Variants in GLIS3 observed in about 807,000 individuals in gnomAD.
GLIS3 encodes zinc finger protein GLIS3.
A neutral mutation model predicts 78.6 loss-of-function variants in GLIS3; 53 were observed. That is an observed-to-expected ratio of 0.67 (90% CI 0.54 to 0.85). The LOEUF is 0.85. GLIS3 is among the 40% of genes least tolerant of loss of function. GLIS3 has a pLI of 0.00. For synonymous variants in GLIS3, 684 were observed against 509.9 expected, an observed-to-expected ratio of 1.34 and a Z score of -4.60; for missense variants, 1,703 against 1,231.1, an observed-to-expected ratio of 1.38 and a Z score of -5.74.
intron 2 of GLIS3, among the ~76,000 whole-genome samples, chr9:4,129,803 G>A (rs760182613): frequency 7.2e-5 from 11 of 152,326 alleles, no homozygotes; most frequent in South Asian, 2.1e-4. Context: ...AAGAAGCTTT[G>A]GAATTGGGTA....
chr9:4,012,838 T>G (rs1047017930), intron 4 of GLIS3, among the ~76,000 whole-genome samples: 2 of 130,512 alleles, frequency 1.5e-5, no homozygotes, highest in Non-Finnish European at 1.6e-5. Context: ...AACGGCACAA[T>G]CTCAGCTCAC....
At chr9:4,022,542 C>G (rs191780118) in intron 4 of GLIS3, among the ~76,000 whole-genome samples, 98 of 152,226 alleles carry the variant, frequency 6.4e-4, no homozygotes, top group African/African-American at 2.2e-3. Context: ...TAAACATAAG[C>G]CTACCCTATG....
At chr9:3,987,606 G>A (rs1280074748) in intron 4 of GLIS3, among the ~76,000 whole-genome samples, 2 of 150,692 alleles carry the variant, frequency 1.3e-5, no homozygotes, top group African/African-American at 2.4e-5. Flanking sequence ...GGAGGCTGAG[G>A]CAGGCACTTG....
intron 2 of GLIS3, among the ~76,000 whole-genome samples, chr9:4,262,531 C>A (rs1199141658): frequency 6.6e-6 from 1 of 152,110 alleles, no homozygotes; most frequent in Non-Finnish European, 1.5e-5. Flanking sequence ...GAATACCTAA[C>A]AGTTCCATGA....
chr9:4,261,286 G>A (rs1032831265), intron 2 of GLIS3, among the ~76,000 whole-genome samples: 5 of 152,132 alleles, frequency 3.3e-5, no homozygotes, highest in East Asian at 3.9e-4. Flanking sequence ...TCTTTCCTCT[G>A]GGGATACATG....
the GLIS3 span, among the ~76,000 whole-genome samples, chr9:4,482,245 G>A: frequency 6.6e-6 from 1 of 152,168 alleles, no homozygotes; most frequent in South Asian, 2.1e-4. Flanking sequence ...AGCCCATGAG[G>A]TAAAGTTCTA....
At chr9:3,962,054 T>C (rs896723145) in intron 4 of GLIS3, among the ~76,000 whole-genome samples, 10 of 151,820 alleles carry the variant, frequency 6.6e-5, no homozygotes, top group African/African-American at 2.4e-4. Context: ...AAAATAATAA[T>C]AATAAAATTT....
At chr9:4,031,218 G>A (rs1205200592) in intron 4 of GLIS3, among the ~76,000 whole-genome samples, 1 of 152,068 alleles carries the variant, frequency 6.6e-6, no homozygotes, top group East Asian at 1.9e-4. Context: ...ATAGTCAAAA[G>A]GTGGAAATAA....
chr9:3,996,555 C>T (rs1009254510), intron 4 of GLIS3, among the ~76,000 whole-genome samples: 4 of 152,072 alleles, frequency 2.6e-5, no homozygotes, highest in Non-Finnish European at 4.4e-5. Context: ...GCAGCTAAAG[C>T]AGTTTTTCAA....
rs1554625523 is a variant in GLIS3 at position 4,223,577 on chromosome 9, G to GAT, written c.388+62460_388+62461insAT. ...TGATCTAAGTTCCCTGATGAAAGAA[G>GAT]TGTTTTAATCGGCCTCTAAAACACC... On this transcript the variant is annotated intron_variant, in intron 2 of 10. Transcript: ENST00000381971. Among the ~76,000 whole-genome samples, 5 of 152,090 alleles carry GAT rather than the reference G, an allele frequency of 3.3e-5. No individual in the cohort carries two copies. In the East Asian group the frequency reaches 7.8e-4, roughly 24 times the overall value.
chr9:3,927,281 A>C (rs924586614), intron 6 of GLIS3, among the ~76,000 whole-genome samples: 6 of 152,198 alleles, frequency 3.9e-5, no homozygotes, highest in Admixed American at 3.9e-4. Context: ...AATGTAGTAG[A>C]AGAGTAGTTT....
At chr9:4,094,452 T>C (rs1368417680) in intron 4 of GLIS3, among the ~76,000 whole-genome samples, 1 of 152,212 alleles carries the variant, frequency 6.6e-6, no homozygotes, top group African/African-American at 2.4e-5. Flanking sequence ...AGAGACAGGT[T>C]ACGTGCCAGT....
At chr9:4,470,630 A>C in the GLIS3 span, among the ~76,000 whole-genome samples, 1 of 152,138 alleles carries the variant, frequency 6.6e-6, no homozygotes, top group African/African-American at 2.4e-5. Flanking sequence ...ATCTATGACA[A>C]ACCCACAGCC....
chr9:4,284,430 C>T (rs1026440513), intron 2 of GLIS3, among the ~76,000 whole-genome samples: 3 of 152,140 alleles, frequency 2.0e-5, no homozygotes, highest in African/African-American at 7.2e-5. Context: ...AAAATCTGAA[C>T]ACCTAAATTT....
At chr9:4,356,387 C>G in the GLIS3 span, among the ~76,000 whole-genome samples, 1 of 152,158 alleles carries the variant, frequency 6.6e-6, no homozygotes, top group Non-Finnish European at 1.5e-5. Context: ...TCCGACAAAG[C>G]AATATGATTG....
intron 9 of GLIS3, among the ~76,000 whole-genome samples, chr9:3,841,183 C>T: frequency 6.6e-6 from 1 of 152,208 alleles, no homozygotes; most frequent in East Asian, 1.9e-4. Flanking sequence ...TGGCCTATGG[C>T]TTCCAAATTC....
At chr9:4,294,130 G>C (rs1297735543) in intron 1 of GLIS3, among the ~76,000 whole-genome samples, 1 of 152,140 alleles carries the variant, frequency 6.6e-6, no homozygotes, top group Non-Finnish European at 1.5e-5. Flanking sequence ...ACCCACTTTA[G>C]GCCCTCCTTG....
chr9:4,126,682 G>C (rs572844846), intron 2 of GLIS3, among the ~76,000 whole-genome samples: 27 of 152,314 alleles, frequency 1.8e-4, no homozygotes, highest in African/African-American at 6.3e-4. Flanking sequence ...AAAGCAAAGA[G>C]TTTGAGAAAG....
At chr9:4,451,089 G>T in the GLIS3 span, among the ~76,000 whole-genome samples, 1 of 152,214 alleles carries the variant, frequency 6.6e-6, no homozygotes, top group Non-Finnish European at 1.5e-5. Flanking sequence ...TCAGTGTGCT[G>T]TATTCAGGAA....
Sources: gnomAD v4.1 joint callset for allele counts (sites outside exome capture counted in the v4.1 genomes callset) on GRCh38, gnomAD v4.1.1 for gene constraint, MANE v1.5 for transcripts, NCBI Gene and HGNC (gene_info 2026-07-23, HGNC 2026-07-21) for gene names.